FLT4: variants seen among roughly 807,000 people sequenced by gnomAD.
FLT4 encodes the protein fms related receptor tyrosine kinase 4, also known as vascular endothelial growth factor receptor 3.
A neutral mutation model predicts 163.2 loss-of-function variants in FLT4; 30 were observed. The ratio of observed to expected loss-of-function variants is 0.18; its 90% CI spans 0.14 to 0.25. The LOEUF (loss-of-function observed/expected upper bound fraction) is 0.25. Ranked by LOEUF, FLT4 falls within the 10% of genes least tolerant of loss-of-function variation. The pLI is 1.00. For missense variants in FLT4, 1,510 were observed against 1,863.8 expected, an observed-to-expected ratio of 0.81 and a Z score of 3.50; for synonymous variants, 884 against 789.5, an observed-to-expected ratio of 1.12 and a Z score of -2.01.
At position 180,620,852 on chromosome 5, in the gene FLT4, G is replaced by A. The variant is rs1763085856; in HGVS notation, c.2299+24C>T. On this transcript the variant is annotated intron_variant, in intron 15 of 29. Transcript: ENST00000261937. The surrounding 1 kb of genome is among the most constrained non-coding windows in gnomAD (Gnocchi z 4.4). ...GTTAACTGGGGACGGGAAGGGAGTT[G>A]AGGGGTGCAGCCTGAGGCCAGACCT... is the stretch of plus-strand genomic sequence containing the variant. 1 of 1,609,742 alleles carries A rather than the reference G, an allele frequency of 6.2e-7. No homozygotes were observed. The highest frequency in any genetic ancestry group is 1.3e-5 in the African/African-American group (1 of 74,900).
chr5:180,610,921 G>A (rs567924150), intron 27 of FLT4, among the ~76,000 whole-genome samples: 1 of 152,200 alleles, frequency 6.6e-6, no homozygotes, highest in Non-Finnish European at 1.5e-5. Context: ...GCCAGGCGTG[G>A]TGGCGGGTGC....
Position 180,622,042 on chromosome 5 carries a change from C to G in FLT4, c.1658-138G>C, listed in dbSNP as rs979433585. Reference sequence around the variant, plus strand: ...CCCAGCTGGACTGCTTGCCCCCCGCCCCACCAAAAGCCCAGGTCATCAGGA... The same window carrying G: ...CCCAGCTGGACTGCTTGCCCCCCGCGCCACCAAAAGCCCAGGTCATCAGGA... On this transcript the variant is annotated intron_variant, in intron 12 of 29. Transcript: ENST00000261937. 6.1e-6 allele frequency: 6 copies of G among 990,926 alleles called. No homozygotes were observed. The South Asian group carries it at 6.2e-5, about 10-fold the overall frequency. The allele number at this position is 990,926 out of a possible 1,614,324, so 61.4% of individuals were successfully genotyped here. A position where few individuals can be genotyped will look rare whatever the true frequency, so the allele number is the denominator to read the frequency against.
chr5:180,627,075 A>G (rs1254581315), intron 8 of FLT4, among the ~76,000 whole-genome samples: 3 of 152,088 alleles, frequency 2.0e-5, no homozygotes, highest in Non-Finnish European at 4.4e-5. Context: ...GTGAGGAAGC[A>G]GATGCCTCAG....
In FLT4 at chr5:180,630,479, G is replaced by A. The variant is rs1581678510; in HGVS notation, c.400+76C>T. On this transcript the variant is annotated intron_variant, in intron 3 of 29. Transcript: ENST00000261937. This position sits in a 1 kb window ranked among gnomAD's most constrained non-coding sequence, Gnocchi z 6.3. The stretch of plus-strand genomic sequence containing the variant: ...CCGTTCTCTCCTCCTGCCAGCCCAG[G>A]GTCCACAGGCTGGGGGCGGTGTGGG... 2.5e-6 allele frequency: 4 copies of A among 1,600,510 alleles called. No homozygotes were observed. The highest frequency in any genetic ancestry group is 3.4e-5 in the Admixed American group (2 of 59,182).
Position 180,616,353 on chromosome 5 carries a change from T to A in FLT4, c.3219+14A>T. 6.2e-7 allele frequency: 1 copy of A among 1,613,856 alleles called. No homozygotes were observed. Among genetic ancestry groups the A allele is most frequent in the Non-Finnish European group, 8.5e-7 (1 of 1,179,936 alleles). ...TCCGCCCCACGTTCCCTCTCCTCAA[T>A]GGCCTGCACTCACACTGCCCTTGCG... On this transcript the variant is annotated intron_variant, in intron 23 of 29. Transcript: ENST00000261937.
At chr5:180,631,455 A>G (rs957619928) in intron 2 of FLT4, among the ~76,000 whole-genome samples, 2 of 151,882 alleles carry the variant, frequency 1.3e-5, no homozygotes, top group African/African-American at 4.8e-5. Flanking sequence ...CCTGGGTGAC[A>G]GAGTGAGACT....
At chr5:180,638,324 C>T (rs955250495) in intron 1 of FLT4, among the ~76,000 whole-genome samples, 21 of 152,190 alleles carry the variant, frequency 1.4e-4, no homozygotes, top group African/African-American at 2.4e-4. Flanking sequence ...GCTCCTCCCT[C>T]GATAGCTCCC....
At chr5:180,607,651 AT>A (rs921868165) in intron 29 of FLT4, among the ~76,000 whole-genome samples, 2 of 125,970 alleles carry the variant, frequency 1.6e-5, no homozygotes, top group African/African-American at 6.0e-5. Context: ...AAAAAAAAAA[AT>A]ACATACATAC....
At chr5:180,633,021 G>C (rs1764304316) in intron 1 of FLT4, among the ~76,000 whole-genome samples, 1 of 152,066 alleles carries the variant, frequency 6.6e-6, no homozygotes, top group African/African-American at 2.4e-5. Context: ...ACGTCCCTTG[G>C]GGTTTGAGGC....
intron 1 of FLT4, among the ~76,000 whole-genome samples, chr5:180,648,264 C>T (rs747253969): frequency 6.6e-6 from 1 of 152,206 alleles, no homozygotes; most frequent in Non-Finnish European, 1.5e-5. Context: ...CCTCCCTCCT[C>T]CCCTGGTTGA....
chr5:180,617,061 G>A (rs1762748383), intron 21 of FLT4, 67 bp from the exon 22 acceptor site: 3 of 1,170,008 alleles, frequency 2.6e-6, no homozygotes, highest in South Asian at 1.2e-5. Flanking sequence ...CCAGCCCCAG[G>A]GAACAGCTAA....
At position 180,620,099 on chromosome 5, in the gene FLT4, G is replaced by A. The variant is rs1272574077; in HGVS notation, c.2542+74C>T. 4 of 1,541,282 alleles carry A rather than the reference G, an allele frequency of 2.6e-6. No individual in the cohort carries two copies. The highest frequency in any genetic ancestry group is 3.5e-5 in the Admixed American group (2 of 56,770). ...CTGGTGCAAGTTTTGAAAATGGAGG[G>A]ATTCAGGCACTCCGGCCTGCAGCAG... On this transcript the variant is annotated intron_variant, in intron 17 of 29. Coordinates refer to ENST00000261937, the MANE Select transcript of FLT4 (RefSeq NM_182925.5). The surrounding 1 kb of genome is among the most constrained non-coding windows in gnomAD (Gnocchi z 4.4).
chr5:180,606,912 A>AAAC (rs1761827348), intron 29 of FLT4, among the ~76,000 whole-genome samples: 1 of 107,916 alleles, frequency 9.3e-6, no homozygotes, highest in East Asian at 2.9e-4. Context: ...AAAAAAAAAA[A>AAAC]AAACAAACAA....
intron 14 of FLT4, 41 bp downstream of exon 14, chr5:180,621,065 G>C (rs746895415): frequency 1.4e-5 from 22 of 1,612,240 alleles, no homozygotes; most frequent in Non-Finnish European, 1.9e-5. Context: ...TCGGCCTCGC[G>C]GGCCTCCGGA....
intron 23 of FLT4, among the ~76,000 whole-genome samples, chr5:180,614,639 C>T (rs1388861345): frequency 4.6e-5 from 7 of 152,136 alleles, no homozygotes; most frequent in African/African-American, 7.2e-5. Context: ...TCTCCGCCGC[C>T]GGCTGTCTCT....
intron 1 of FLT4, among the ~76,000 whole-genome samples, chr5:180,645,966 G>A (rs1435293104): frequency 6.6e-6 from 1 of 152,166 alleles, no homozygotes; most frequent in Non-Finnish European, 1.5e-5. Context: ...GCTAGGCCTT[G>A]GTGGAGAGAA....
At chr5:180,643,079 A>G (rs1765243163) in intron 1 of FLT4, among the ~76,000 whole-genome samples, 1 of 152,254 alleles carries the variant, frequency 6.6e-6, no homozygotes, top group Admixed American at 6.5e-5. Flanking sequence ...GCTACTATTC[A>G]TTCTACAGAT....
At chr5:180,605,245 G>A (rs1761726279) in intron 29 of FLT4, among the ~76,000 whole-genome samples, 1 of 152,222 alleles carries the variant, frequency 6.6e-6, no homozygotes, top group Non-Finnish European at 1.5e-5. Flanking sequence ...GATTACAGGT[G>A]AGAGCTACTG....
chr5:180,634,246 C>G (rs1024251142), intron 1 of FLT4, among the ~76,000 whole-genome samples: 1 of 152,230 alleles, frequency 6.6e-6, no homozygotes, highest in African/African-American at 2.4e-5. Context: ...CAGACGCCCT[C>G]ATCACTCAGG....
Sources: allele counts gnomAD v4.1 joint callset (sites outside exome capture counted in the v4.1 genomes callset), GRCh38; gene constraint gnomAD v4.1.1; non-coding constraint Gnocchi (gnomAD v3.1); transcripts MANE v1.5; gene names NCBI Gene and HGNC (gene_info 2026-07-23, HGNC 2026-07-21).